CTXN3: variants seen among roughly 807,000 people sequenced by gnomAD.
The protein encoded by CTXN3 is cortexin-3.
Under a neutral mutation model 5.0 loss-of-function variants are expected in CTXN3, and 4 were observed. The observed-to-expected ratio is 0.79, with a 90% confidence interval of 0.39 to 1.82. CTXN3 has a LOEUF of 1.82. Ranked by LOEUF, CTXN3 falls within the 40% of genes most tolerant of loss-of-function variation. The pLI, the probability that CTXN3 is intolerant of heterozygous loss-of-function variation, is 0.04. For missense variants in CTXN3, 89 were observed against 99.7 expected (o/e 0.89, Z 0.46); for synonymous variants, 48 against 38.6 (o/e 1.24, Z -0.91).
intron 1 of CTXN3, among the ~76,000 whole-genome samples, chr5:127,650,919 T>C (rs1314617382): frequency 2.0e-5 from 3 of 152,192 alleles, no homozygotes; most frequent in Non-Finnish European, 4.4e-5. Flanking sequence ...CCTTTAGTGC[T>C]AAAAGTAGAG....
At chr5:127,656,355 G>T (rs1049973545) in intron 2 of CTXN3, among the ~76,000 whole-genome samples, 2 of 152,102 alleles carry the variant, frequency 1.3e-5, no homozygotes, top group Admixed American at 6.5e-5. Context: ...TATTTATACA[G>T]TAATATCTAC....
chr5:127,654,742 A>G (rs567484218), intron 2 of CTXN3, among the ~76,000 whole-genome samples: 6 of 152,210 alleles, frequency 3.9e-5, no homozygotes, highest in African/African-American at 1.4e-4. Context: ...GTTGCTCATC[A>G]AGTGGAGATC....
At position 127,658,110 on chromosome 5, in the gene CTXN3, A is replaced by T; in HGVS notation, c.*343A>T. On this transcript the variant is annotated 3_prime_UTR_variant, in exon 3 of 3. Coordinates refer to ENST00000379445, the MANE Select transcript of CTXN3 (RefSeq NM_001048252.3). ...ATCTGACTAAAGAATAAAAGACTAG[A>T]AAGGATCTCATATGAATCTGGTGAC... 1 of 270,086 alleles carries T rather than the reference A, an allele frequency of 3.7e-6. No homozygotes were observed. The allele number at this position is 270,086 out of a possible 1,614,324, so 16.7% of individuals were successfully genotyped here.
Position 127,657,698 on chromosome 5 carries a change from G to C in CTXN3, c.177G>C (p.Met59Ile), listed in dbSNP as rs1288111980. The C allele has an allele frequency of 6.2e-7, 1 of 1,614,198 alleles. No homozygotes were observed. The highest frequency in any genetic ancestry group is 1.7e-5 in the Admixed American group (1 of 60,028). ...FRILLDPYRS[M>I]PTSTWADGLE... ...TTCTTTTGGATCCATATCGAAGCAT[G>C]CCAACCTCTACCTGGGCTGATGGAC... The change falls in exon 3 of 3, where the codon ATG (methionine) becomes ATC (isoleucine). Residue 59 changes from methionine (M) to isoleucine (I), a missense_variant. By Grantham distance (10) the Met-to-Ile change is conservative (BLOSUM62 1). Coordinates refer to ENST00000379445, the MANE Select transcript of CTXN3 (RefSeq NM_001048252.3).
chr5:127,658,443 G>A lies in CTXN3; in HGVS notation c.*676G>A, dbSNP rs1346040574. ...ATATGTATTCATATTAATAACATGTGTAGAGGTAGCTATACATTACTTGAA... is the reference window on the plus strand; with the variant it reads ...ATATGTATTCATATTAATAACATGTATAGAGGTAGCTATACATTACTTGAA... On this transcript the variant is annotated 3_prime_UTR_variant, in exon 3 of 3. Coordinates refer to ENST00000379445, the MANE Select transcript of CTXN3 (RefSeq NM_001048252.3). 2.4e-5 allele frequency: 4 copies of A among 167,086 alleles called. No individual in the cohort carries two copies. Among genetic ancestry groups the A allele is most frequent in the African/African-American group, 9.7e-5 (4 of 41,446 alleles). The allele number at this position is 167,086 out of a possible 1,614,324, so 10.4% of individuals were successfully genotyped here.
intron 1 of CTXN3, among the ~76,000 whole-genome samples, chr5:127,652,569 G>C (rs1044595761): frequency 3.4e-5 from 5 of 146,760 alleles, no homozygotes; most frequent in African/African-American, 2.5e-5. Context: ...GGGAAACAAA[G>C]AAGGCCCCAC....
intron 2 of CTXN3, among the ~76,000 whole-genome samples, chr5:127,657,069 A>G (rs1206463175): frequency 3.3e-5 from 5 of 152,298 alleles, no homozygotes; most frequent in Admixed American, 3.3e-4. Context: ...ACAATGTGAG[A>G]GTAATATTAG....
intron 1 of CTXN3, among the ~76,000 whole-genome samples, chr5:127,652,042 T>C (rs13340361): frequency 1.5e-4 from 23 of 152,240 alleles, no homozygotes; most frequent in African/African-American, 4.8e-4. Flanking sequence ...CACCAAAAAG[T>C]AGATTAGGTA....
rs1749954621 is a variant in CTXN3, at chr5:127,657,968, T to C, written c.*201T>C. On this transcript the variant is annotated 3_prime_UTR_variant, in exon 3 of 3. Coordinates refer to ENST00000379445, the MANE Select transcript of CTXN3 (RefSeq NM_001048252.3). Reference sequence around the variant, plus strand: ...GGACACTTATATAACTAATCCAACATAAGAAGGTTTAAATTTTTATGTTTG... The same window carrying C: ...GGACACTTATATAACTAATCCAACACAAGAAGGTTTAAATTTTTATGTTTG... 4.9e-6 allele frequency: 3 copies of C among 607,620 alleles called. No homozygotes were observed. The allele number at this position is 607,620 out of a possible 1,614,324, so 37.6% of individuals were successfully genotyped here.
At chr5:127,652,652 C>T (rs1316844279) in intron 1 of CTXN3, among the ~76,000 whole-genome samples, 2 of 151,674 alleles carry the variant, frequency 1.3e-5, no homozygotes, top group Admixed American at 6.6e-5. Context: ...ATGCTTGCCT[C>T]ATAGTGCTTG....
Position 127,652,018 on chromosome 5 carries a change from T to C in CTXN3, c.-206-1299T>C, listed in dbSNP as rs73783941. ...ACATTTGGATTCAGGATATTTTAAATGGCTGCCCTTCCCCACCAAAAAGTA... is the reference window on the plus strand; with the variant it reads ...ACATTTGGATTCAGGATATTTTAAACGGCTGCCCTTCCCCACCAAAAAGTA... On this transcript the variant is annotated intron_variant, in intron 1 of 2. Coordinates refer to ENST00000379445, the MANE Select transcript of CTXN3 (RefSeq NM_001048252.3). 4.8e-3 allele frequency among the ~76,000 whole-genome samples: 729 copies of C among 152,320 alleles called. 7 individuals carry two copies. Among genetic ancestry groups the C allele is most frequent in the African/African-American group, 0.016 (682 of 41,564 alleles).
rs1223529296 is a variant in CTXN3 at position 127,657,586 on chromosome 5, G to A, written c.65G>A (p.Ser22Asn). The change falls in exon 3 of 3, where the codon AGC (serine) becomes AAC (asparagine). Residue 22 changes from serine to asparagine, a missense_variant. Physicochemically the swap from Ser to Asn is conservative, Grantham distance 46. Transcript: ENST00000379445. ...CTTGGGAACGAATCAGCAGATTCTA[G>A]CATGTCCCTGGAGCAGAAAATGACA... is the stretch of plus-strand genomic sequence containing the variant. ...VPLGNESADS[S>N]MSLEQKMTFV... 2 of 1,613,972 alleles carry A rather than the reference G, an allele frequency of 1.2e-6. No homozygotes were observed. Among genetic ancestry groups the A allele is most frequent in the African/African-American group, 1.3e-5 (1 of 74,916 alleles).
At chr5:127,655,436 A>G (rs1280224504) in intron 2 of CTXN3, among the ~76,000 whole-genome samples, 1 of 152,240 alleles carries the variant, frequency 6.6e-6, no homozygotes, top group Non-Finnish European at 1.5e-5. Context: ...TCAGTAGGAT[A>G]TGAAAAAGCA....
At chr5:127,656,044 A>T (rs75808439) in intron 2 of CTXN3, among the ~76,000 whole-genome samples, 2,107 of 152,326 alleles carry the variant, frequency 0.014, 20 homozygotes, top group Non-Finnish European at 0.022. Context: ...TAACTGAAGG[A>T]ACATTGTATT....
Position 127,657,770 on chromosome 5 carries a change from GGGA to G in CTXN3, c.*4_*6del. Reference sequence around the variant, plus strand: ...AGTTCGACCATGCCCTTGCTTAGGAGGGATGGTGTGGGATCTCCTCCTGAGGAG... The same window carrying G: ...AGTTCGACCATGCCCTTGCTTAGGAGTGGTGTGGGATCTCCTCCTGAGGAG... On this transcript the variant is annotated 3_prime_UTR_variant, in exon 3 of 3. Transcript: ENST00000379445. The G allele has an allele frequency of 2.5e-6, 4 of 1,613,968 alleles. No homozygotes were observed. Among genetic ancestry groups the G allele is most frequent in the Non-Finnish European group, 3.4e-6 (4 of 1,179,950 alleles).
At position 127,657,901 on chromosome 5, in the gene CTXN3, A is replaced by G; in HGVS notation, c.*134A>G. The G allele has an allele frequency of 9.5e-7, 1 of 1,056,728 alleles. No individual in the cohort carries two copies. Among genetic ancestry groups the G allele is most frequent in the South Asian group, 1.7e-5 (1 of 60,062 alleles). 65.5% of individuals were successfully genotyped at this position (1,056,728 alleles called of 1,614,324 possible). On this transcript the variant is annotated 3_prime_UTR_variant, in exon 3 of 3. Coordinates refer to ENST00000379445, the MANE Select transcript of CTXN3 (RefSeq NM_001048252.3). ...CCAGGACCATAATCCATTATTCCATAAATATGCAGTTGGGTTAAAGACATT... is the reference window on the plus strand; with the variant it reads ...CCAGGACCATAATCCATTATTCCATGAATATGCAGTTGGGTTAAAGACATT...
rs1405474292 is a variant in CTXN3, at chr5:127,658,602, A to G, written c.*835A>G. On this transcript the variant is annotated 3_prime_UTR_variant, in exon 3 of 3. Coordinates refer to ENST00000379445, the MANE Select transcript of CTXN3 (RefSeq NM_001048252.3). ...GGAATGTGTATTTATGATTGTATAT[A>G]GTCACCAAATAAAACTTTTCAAGAA... is the stretch of plus-strand genomic sequence containing the variant. The G allele has an allele frequency of 6.0e-6, 1 of 167,106 alleles. No homozygotes were observed. Among genetic ancestry groups the G allele is most frequent in the Non-Finnish European group, 1.5e-5 (1 of 68,118 alleles). The allele number at this position is 167,106 out of a possible 1,614,324, so 10.4% of individuals were successfully genotyped here.
At chr5:127,655,856 T>C (rs1241935905) in intron 2 of CTXN3, among the ~76,000 whole-genome samples, 1 of 152,228 alleles carries the variant, frequency 6.6e-6, no homozygotes, top group African/African-American at 2.4e-5. Context: ...TTCAAAGTGA[T>C]AGAGCTGCAA....
intron 2 of CTXN3, among the ~76,000 whole-genome samples, chr5:127,655,481 C>T (rs914880446): frequency 1.3e-5 from 2 of 152,196 alleles, no homozygotes; most frequent in African/African-American, 4.8e-5. Context: ...GCATCTGCTC[C>T]TCTGTCATCA....
Sources: gnomAD v4.1 joint callset for allele counts (sites outside exome capture counted in the v4.1 genomes callset) on GRCh38, gnomAD v4.1.1 for gene constraint, MANE v1.5 for transcripts, NCBI Gene and HGNC (gene_info 2026-07-23, HGNC 2026-07-21) for gene names.